NTM: variants seen among roughly 807,000 people sequenced by gnomAD.
NTM encodes the protein IgLON family member 2.
In NTM, 13 loss-of-function variants were observed where a neutral mutation model predicts 42.1. The observed-to-expected ratio is 0.31, with a 90% CI of 0.20 to 0.49. The LOEUF (loss-of-function observed/expected upper bound fraction) is 0.49. Among genes scored for constraint, NTM ranks in the 20% least tolerant of loss-of-function variants. The pLI, the probability that NTM is intolerant of heterozygous loss-of-function variation, is 0.99. For missense variants in NTM, 373 were observed against 452.8 expected (o/e 0.82, Z 1.60); for synonymous variants, 187 against 179.2 (o/e 1.04, Z -0.35).
chr11:131,466,809 AT>A (rs2136148585), intron 1 of NTM, among the ~76,000 whole-genome samples: 1 of 152,344 alleles, frequency 6.6e-6, no homozygotes, highest in East Asian at 1.9e-4. Context: ...TGAAATCAAA[AT>A]CACAATTTTT....
intron 1 of NTM, among the ~76,000 whole-genome samples, chr11:131,504,462 C>T (rs1431352944): frequency 2.0e-5 from 3 of 152,158 alleles, no homozygotes; most frequent in East Asian, 1.9e-4. Flanking sequence ...TTTCCCGGAT[C>T]GAATTTCTTG....
chr11:132,218,938 T>G (rs935010611), intron 4 of NTM, among the ~76,000 whole-genome samples: 1 of 152,330 alleles, frequency 6.6e-6, no homozygotes, highest in South Asian at 2.1e-4. Context: ...ACTCACTGGC[T>G]GGGTCATGCT....
chr11:131,372,252 G>T (rs766139205), intron 1 of NTM, among the ~76,000 whole-genome samples: 1 of 151,942 alleles, frequency 6.6e-6, no homozygotes, highest in African/African-American at 2.4e-5. Context: ...ATCTGTGTCG[G>T]GTGATAAGGA....
At chr11:132,169,029 C>T (rs1199056035) in intron 3 of NTM, among the ~76,000 whole-genome samples, 2 of 152,204 alleles carry the variant, frequency 1.3e-5, no homozygotes, top group Non-Finnish European at 2.9e-5. Flanking sequence ...TAGATATTAT[C>T]AAACTCATTA....
chr11:132,030,773 A>G (rs78985703), intron 2 of NTM, among the ~76,000 whole-genome samples: 7,532 of 152,326 alleles, frequency 0.049, 254 homozygotes, highest in Non-Finnish European at 0.073. Context: ...GAAAGGGAGA[A>G]GAAGCAGGAG....
At chr11:131,938,131 C>G (rs1168426562) in intron 2 of NTM, among the ~76,000 whole-genome samples, 1 of 152,202 alleles carries the variant, frequency 6.6e-6, no homozygotes, top group Non-Finnish European at 1.5e-5. Context: ...GGTCCTTGCC[C>G]TCATGGAAGT....
intron 3 of NTM, among the ~76,000 whole-genome samples, chr11:132,187,175 T>C (rs2138172650): frequency 1.3e-5 from 2 of 152,114 alleles, no homozygotes; most frequent in Middle Eastern, 3.4e-3. Flanking sequence ...CTTGCTTCTC[T>C]TTTCTTCATT....
chr11:132,106,626 T>C (rs2062408610), intron 2 of NTM, among the ~76,000 whole-genome samples: 1 of 152,236 alleles, frequency 6.6e-6, no homozygotes, highest in Non-Finnish European at 1.5e-5. Context: ...GTCTTTGGCA[T>C]CCCATCTGTC....
intron 1 of NTM, among the ~76,000 whole-genome samples, chr11:131,418,301 C>A (rs78360896): frequency 6.6e-6 from 1 of 152,304 alleles, no homozygotes; most frequent in East Asian, 1.9e-4. Context: ...CTTGCTGCAT[C>A]CCAAAGGCAG....
intron 2 of NTM, among the ~76,000 whole-genome samples, chr11:132,126,617 C>T (rs1038004153): frequency 6.6e-6 from 1 of 152,086 alleles, no homozygotes; most frequent in Non-Finnish European, 1.5e-5. Flanking sequence ...TTTTATTTCT[C>T]CCAAGAGGAG....
At position 131,554,767 on chromosome 11, in the gene NTM, G is replaced by A. The variant is rs531134855; in HGVS notation, c.82+183879G>A. Among the ~76,000 whole-genome samples, 31 of 152,204 alleles carry A rather than the reference G, an allele frequency of 2.0e-4. No homozygotes were observed. The East Asian group carries it at 5.8e-3, about 29-fold the overall frequency. ...GCAACAATGTTTTTTGAAATCACCT[G>A]GATTTTTCCATCCCTTCCTTTTTGG... On this transcript the variant is annotated intron_variant, in intron 1 of 8. Coordinates refer to ENST00000683400, the MANE Select transcript of NTM (RefSeq NM_001352005.2).
intron 1 of NTM, among the ~76,000 whole-genome samples, chr11:131,781,279 A>G (rs1166625996): frequency 7.3e-6 from 1 of 136,550 alleles, no homozygotes; most frequent in African/African-American, 3.7e-5. Flanking sequence ...ACAAAGAAGT[A>G]AAAAAAAATT....
intron 2 of NTM, among the ~76,000 whole-genome samples, chr11:131,987,384 C>T (rs570403662): frequency 4.3e-3 from 171 of 39,672 alleles, no homozygotes; most frequent in African/African-American, 0.011. Context: ...TCCTCCTATT[C>T]TATTCTATTC....
At chr11:131,535,966 C>T (rs1271228734) in intron 1 of NTM, 1 of 152,226 alleles carries the variant, frequency 6.6e-6, no homozygotes, top group African/African-American at 2.4e-5. Context: ...ATGAATGCTT[C>T]CTTGTCAAAA....
chr11:132,111,223 C>A (rs1377554771), intron 2 of NTM, among the ~76,000 whole-genome samples: 1 of 150,686 alleles, frequency 6.6e-6, no homozygotes, highest in East Asian at 2.0e-4. Context: ...AATTTATGTG[C>A]ATGCCTATGT....
At chr11:132,138,599 T>TATCC in intron 2 of NTM, among the ~76,000 whole-genome samples, 1 of 53,176 alleles carries the variant, frequency 1.9e-5, no homozygotes, top group African/African-American at 5.1e-5. Flanking sequence ...TCTATCTATC[T>TATCC]ATCTATCTAT....
intron 2 of NTM, among the ~76,000 whole-genome samples, chr11:132,054,667 A>G (rs1294864514): frequency 6.6e-6 from 1 of 152,222 alleles, no homozygotes; most frequent in African/African-American, 2.4e-5. Context: ...AATACAGTCA[A>G]TCTAGACCCA....
intron 3 of NTM, among the ~76,000 whole-genome samples, chr11:132,205,317 G>A (rs748159440): frequency 6.6e-6 from 1 of 152,100 alleles, no homozygotes; most frequent in African/African-American, 2.4e-5. Flanking sequence ...GGATTTAATA[G>A]GATATCCACT....
At chr11:132,118,543 G>C (rs2064230665) in intron 2 of NTM, among the ~76,000 whole-genome samples, 1 of 152,126 alleles carries the variant, frequency 6.6e-6, no homozygotes. Flanking sequence ...TCGGAACACG[G>C]GCTTCCTCTC....
Sources: allele counts gnomAD v4.1 joint callset (sites outside exome capture counted in the v4.1 genomes callset), GRCh38; gene constraint gnomAD v4.1.1; transcripts MANE v1.5; gene names NCBI Gene and HGNC (gene_info 2026-07-23, HGNC 2026-07-21).